The following SMYD3 variants were observed in gnomAD, a reference collection of about 807,000 sequenced individuals.
SMYD3 encodes SET and MYND domain containing 3.
In SMYD3, 36 loss-of-function variants were observed where a neutral mutation model predicts 57.7. The observed-to-expected ratio is 0.62, with a 90% CI of 0.48 to 0.82. SMYD3 has a LOEUF of 0.82. SMYD3 is among the 40% of genes least tolerant of loss of function. SMYD3 has a pLI of 0.00. For synonymous variants in SMYD3, 211 were observed against 195.0 expected (o/e 1.08, Z -0.68); for missense variants, 515 against 538.8 (o/e 0.96, Z 0.44).
At chr1:246,477,983 A>C (rs2068050297) in intron 1 of SMYD3, among the ~76,000 whole-genome samples, 1 of 152,260 alleles carries the variant, frequency 6.6e-6, no homozygotes, top group African/African-American at 2.4e-5. Flanking sequence ...AGCTAACCCA[A>C]GAAATATTAA....
intron 1 of SMYD3, among the ~76,000 whole-genome samples, chr1:246,451,679 G>A (rs375404062): frequency 3.9e-5 from 6 of 152,362 alleles, no homozygotes; most frequent in East Asian, 1.9e-4. Context: ...TGCAACAAAC[G>A]TGCCATTCTG....
At chr1:246,206,144 G>A (rs745324572) in intron 5 of SMYD3, among the ~76,000 whole-genome samples, 14 of 151,646 alleles carry the variant, frequency 9.2e-5, no homozygotes, top group Admixed American at 1.3e-4. Flanking sequence ...GGAAATACTA[G>A]GGAAAAAAGA....
At position 246,401,742 on chromosome 1, in the gene SMYD3, G is replaced by A. The variant is rs1399416354; in HGVS notation, c.165-46648C>T. Among the ~76,000 whole-genome samples the A allele has an allele frequency of 3.8e-5, 4 of 104,810 alleles. No homozygotes were observed. The East Asian group carries it at 1.1e-3, about 30-fold the overall frequency. 68.8% of individuals were successfully genotyped at this position (104,810 alleles called of 152,430 possible). On this transcript the variant is annotated intron_variant, in intron 1 of 11. Transcript: ENST00000490107. ...AATTCAGGTGCTTTTTTTTTTTTTT[G>A]AGCCAGTTTCACTCTTGTTGCCCAG...
At chr1:246,224,097 TACCAGAGAGAACAAG>T (rs2063293916) in intron 5 of SMYD3, among the ~76,000 whole-genome samples, 1 of 152,074 alleles carries the variant, frequency 6.6e-6, no homozygotes, top group African/African-American at 2.4e-5. Context: ...ATACACTGCC[TACCAGAGAGAACAAG>T]ACTGGCAAAA....
chr1:246,191,362 T>TA (rs1314683520), intron 5 of SMYD3, among the ~76,000 whole-genome samples: 1 of 152,130 alleles, frequency 6.6e-6, no homozygotes, highest in Non-Finnish European at 1.5e-5. Context: ...GGCTGGTGGG[T>TA]AAAAAAATTC....
chr1:246,171,048 C>CTT (rs2148244280), intron 5 of SMYD3, among the ~76,000 whole-genome samples: 1 of 151,958 alleles, frequency 6.6e-6, no homozygotes, highest in East Asian at 1.9e-4. Flanking sequence ...TCTGAGTATA[C>CTT]TTTGTTTCTT....
At chr1:245,822,200 T>G (rs2049198950) in intron 10 of SMYD3, among the ~76,000 whole-genome samples, 1 of 152,026 alleles carries the variant, frequency 6.6e-6, no homozygotes, top group African/African-American at 2.4e-5. Flanking sequence ...ATATACACCA[T>G]GGAATACTAT....
intron 5 of SMYD3, among the ~76,000 whole-genome samples, chr1:246,300,343 T>C (rs1317295214): frequency 6.6e-6 from 1 of 152,164 alleles, no homozygotes; most frequent in Non-Finnish European, 1.5e-5. Flanking sequence ...ATGGCTTTTG[T>C]TGTGTTGAAG....
At chr1:245,952,487 A>G (rs1414591684) in intron 5 of SMYD3, among the ~76,000 whole-genome samples, 1 of 152,210 alleles carries the variant, frequency 6.6e-6, no homozygotes, top group Non-Finnish European at 1.5e-5. Context: ...AGTTCAGTCC[A>G]TTGTCAACCT....
chr1:246,230,328 T>C (rs551165173), intron 5 of SMYD3, among the ~76,000 whole-genome samples: 2 of 146,982 alleles, frequency 1.4e-5, no homozygotes, highest in Admixed American at 7.0e-5. Flanking sequence ...TTCCCTTTAA[T>C]CTGCAATCGC....
At chr1:246,500,448 G>T (rs889364514) in intron 1 of SMYD3, among the ~76,000 whole-genome samples, 1 of 152,144 alleles carries the variant, frequency 6.6e-6, no homozygotes. Context: ...AGAGATGGTG[G>T]TATTACACAC....
intron 8 of SMYD3, among the ~76,000 whole-genome samples, chr1:245,907,575 G>A (rs1666796015): frequency 6.6e-6 from 1 of 152,074 alleles, no homozygotes; most frequent in South Asian, 2.1e-4. Flanking sequence ...GAAAAAGAAG[G>A]GAATCAAATG....
intron 5 of SMYD3, among the ~76,000 whole-genome samples, chr1:246,179,672 A>G (rs2148279492): frequency 6.6e-6 from 1 of 152,326 alleles, no homozygotes; most frequent in South Asian, 2.1e-4. Context: ...AGAAGAAGCC[A>G]GATGGTCAGA....
chr1:246,378,783 ATT>A (rs2066331388), intron 1 of SMYD3, among the ~76,000 whole-genome samples: 1 of 119,420 alleles, frequency 8.4e-6, no homozygotes, highest in East Asian at 2.1e-4. Context: ...AATTTAATAT[ATT>A]TAATATATTA....
chr1:245,970,080 G>T (rs184920311), intron 5 of SMYD3, among the ~76,000 whole-genome samples: 25 of 152,268 alleles, frequency 1.6e-4, no homozygotes, highest in Non-Finnish European at 2.5e-4. Flanking sequence ...GGCTACAGCA[G>T]CCAAAACAGC....
chr1:246,150,353 T>C (rs76292049), intron 5 of SMYD3, among the ~76,000 whole-genome samples: 5,080 of 152,300 alleles, frequency 0.033, 295 homozygotes, highest in African/African-American at 0.12. Context: ...TAGAAATTAG[T>C]ACTCGGGTAA....
chr1:246,456,927 G>A (rs565323338), intron 1 of SMYD3, among the ~76,000 whole-genome samples: 1 of 152,288 alleles, frequency 6.6e-6, no homozygotes, highest in South Asian at 2.1e-4. Context: ...ACACCGAATG[G>A]ACCAGACTAA....
intron 8 of SMYD3, among the ~76,000 whole-genome samples, chr1:245,871,655 T>A (rs1250094671): frequency 6.6e-6 from 1 of 152,244 alleles, no homozygotes; most frequent in Non-Finnish European, 1.5e-5. Context: ...ACTGAATCCC[T>A]GCTGCATATC....
chr1:246,133,868 T>C (rs533888203), intron 5 of SMYD3, among the ~76,000 whole-genome samples: 1 of 152,280 alleles, frequency 6.6e-6, no homozygotes, highest in African/African-American at 2.4e-5. Flanking sequence ...GTAGCTACTA[T>C]TTATATAATT....
Sources: gnomAD v4.1 joint callset for allele counts (sites outside exome capture counted in the v4.1 genomes callset) on GRCh38, gnomAD v4.1.1 for gene constraint, MANE v1.5 for transcripts, NCBI Gene and HGNC (gene_info 2026-07-23, HGNC 2026-07-21) for gene names.